Variants in SECISBP2 observed in about 807,000 individuals in gnomAD.
SECISBP2 encodes SECIS binding protein 2.
Under a neutral mutation model 98.2 loss-of-function variants are expected in SECISBP2, and 96 were observed. The ratio of observed to expected loss-of-function variants is 0.98; its 90% CI spans 0.83 to 1.16. SECISBP2 has a LOEUF of 1.16. Among genes scored for constraint, SECISBP2 ranks in the 50% most tolerant of loss-of-function variants. The pLI is 0.00. For missense variants in SECISBP2, 1,046 were observed against 1,022.9 expected, an observed-to-expected ratio of 1.02 and a Z score of -0.31; for synonymous variants, 407 against 370.2, an observed-to-expected ratio of 1.10 and a Z score of -1.14.
At chr9:89,341,216 T>C in intron 9 of SECISBP2, 131 bp from the exon 10 acceptor site, 1 of 858,766 alleles carries the variant, frequency 1.2e-6, no homozygotes, top group South Asian at 1.8e-5. Flanking sequence ...TTCCTTTCAT[T>C]ACTTGAATTT....
At chr9:89,323,301 T>C (rs961239485) in intron 2 of SECISBP2, 1 of 152,248 alleles carries the variant, frequency 6.6e-6, no homozygotes, top group African/African-American at 2.4e-5. Context: ...TTGTTTATAT[T>C]TATGTCAAGT....
chr9:89,364,458 C>G (rs544936318), downstream of SECISBP2: 8 of 209,808 alleles, frequency 3.8e-5, no homozygotes, highest in East Asian at 8.5e-4. Flanking sequence ...CCAATTGAGA[C>G]ACTGGGGTGG....
At chr9:89,358,486 C>T (rs1359647811) in intron 16 of SECISBP2, among the ~76,000 whole-genome samples, 1 of 152,118 alleles carries the variant, frequency 6.6e-6, no homozygotes, top group East Asian at 1.9e-4. Context: ...TCCTAGCCTA[C>T]CTACACAAGG....
rs748908857 is a variant in SECISBP2, at chr9:89,328,730, G to A, written c.645G>A (p.Glu215=). The change falls in exon 5 of 17, where the codon GAG becomes GAA. Residue 215 remains glutamate (E), a synonymous_variant. Transcript: ENST00000375807. ...IAKNVSTSKP[E]FEFTTLDFPE... ...AAAATGTATCTACCTCCAAACCTGAGTTTGAATTTACCACACTGGACTTTC... is the reference window on the plus strand; with the variant it reads ...AAAATGTATCTACCTCCAAACCTGAATTTGAATTTACCACACTGGACTTTC... 4 of 1,614,224 alleles carry A rather than the reference G, an allele frequency of 2.5e-6. No individual in the cohort carries two copies. The highest frequency in any genetic ancestry group is 8.5e-7 in the Non-Finnish European group (1 of 1,180,038).
intron 2 of SECISBP2, chr9:89,323,633 T>C (rs1444399185): frequency 6.6e-6 from 1 of 152,208 alleles, no homozygotes; most frequent in Non-Finnish European, 1.5e-5. Flanking sequence ...TTAGTATGGA[T>C]GGGGTAGCTT....
chr9:89,332,250 C>T (rs998716211), intron 5 of SECISBP2, among the ~76,000 whole-genome samples: 5 of 151,740 alleles, frequency 3.3e-5, no homozygotes, highest in African/African-American at 1.2e-4. Flanking sequence ...ACACACACAG[C>T]CTCCTTCATT....
chr9:89,355,206 C>G lies in SECISBP2; in HGVS notation c.2114-2205C>G, dbSNP rs1245786523. 3.0e-6 allele frequency: 3 copies of G among 985,300 alleles called. No individual in the cohort carries two copies. The East Asian group carries it at 3.4e-4, about 112-fold the overall frequency. 61.0% of individuals were successfully genotyped at this position (985,300 alleles called of 1,614,324 possible). A position where few individuals can be genotyped will look rare whatever the true frequency, so the allele number is the denominator to read the frequency against. On this transcript the variant is annotated intron_variant, in intron 14 of 16. Coordinates refer to ENST00000375807, the MANE Select transcript of SECISBP2 (RefSeq NM_024077.5). Reference sequence around the variant, plus strand: ...GAGAGGATCGATATGTAAGTAGATTCCAGGTGATACTATGCTAATTGTAAA... The same window carrying G: ...GAGAGGATCGATATGTAAGTAGATTGCAGGTGATACTATGCTAATTGTAAA...
chr9:89,363,639 G>C, downstream of SECISBP2: 3 of 1,591,254 alleles, frequency 1.9e-6, no homozygotes, highest in Non-Finnish European at 1.7e-6. Context: ...AACCCAGAAT[G>C]CCACCGTGCA....
At position 89,357,453 on chromosome 9, in the gene SECISBP2, G is replaced by A. The variant is rs749137259; in HGVS notation, c.2156G>A (p.Cys719Tyr). Residue 719 changes from cysteine (C) to tyrosine (Y), a missense_variant, in exon 15 of 17, where the codon TGT becomes TAT. Physicochemically the swap from Cys to Tyr is radical, Grantham distance 194. Coordinates refer to ENST00000375807, the MANE Select transcript of SECISBP2 (RefSeq NM_024077.5). ...DTLHTIIDYA[C>Y]EQNIPFVFAL... is the part of the protein sequence containing the mutation. ...TTGCACACAATTATTGATTATGCCT[G>A]TGAGCAGAACATTCCCTTTGTGTTT... 4 of 1,614,060 alleles carry A rather than the reference G, an allele frequency of 2.5e-6. No homozygotes were observed. In the African/African-American group the frequency reaches 4.0e-5, roughly 16 times the overall value.
At chr9:89,334,863 G>A in intron 7 of SECISBP2, 133 bp downstream of exon 7, 1 of 719,136 alleles carries the variant, frequency 1.4e-6, no homozygotes, top group East Asian at 2.7e-5. Flanking sequence ...AAGATGGATG[G>A]TGATGATGGT....
At chr9:89,334,427 C>A in intron 6 of SECISBP2, 95 bp from the exon 7 acceptor site, 1 of 1,011,296 alleles carries the variant, frequency 9.9e-7, no homozygotes, top group Non-Finnish European at 1.5e-6. Context: ...TAATGATGCT[C>A]TGAGCAGTTA....
At chr9:89,344,397 A>G (rs1478956794) in intron 10 of SECISBP2, among the ~76,000 whole-genome samples, 1 of 152,166 alleles carries the variant, frequency 6.6e-6, no homozygotes, top group African/African-American at 2.4e-5. Context: ...CCTGTGTCCA[A>G]AATGGTATTG....
In SECISBP2 at chr9:89,349,770, A is replaced by G. The variant is rs571273217; in HGVS notation, c.1739-6A>G. Reference sequence around the variant, plus strand: ...ATATCTGATGATGCCTTTTTCCTCCATGAAGGGCCAGAGGGGATGGACGAA... The same window carrying G: ...ATATCTGATGATGCCTTTTTCCTCCGTGAAGGGCCAGAGGGGATGGACGAA... On this transcript the variant is annotated splice_region_variant and splice_polypyrimidine_tract_variant and intron_variant, in intron 12 of 16. Coordinates refer to ENST00000375807, the MANE Select transcript of SECISBP2 (RefSeq NM_024077.5). The G allele has an allele frequency of 2.2e-5, 35 of 1,613,876 alleles. No homozygotes were observed. Among genetic ancestry groups the G allele is most frequent in the Admixed American group, 1.8e-4 (11 of 60,012 alleles).
chr9:89,356,967 C>T (rs1832183261), intron 14 of SECISBP2: 1 of 285,802 alleles, frequency 3.5e-6, no homozygotes, highest in Admixed American at 5.0e-5. Context: ...TGGCTGGTCC[C>T]TGGCCCAGAA....
At chr9:89,328,919 C>A in intron 5 of SECISBP2, 33 bp downstream of exon 5, 1 of 1,492,316 alleles carries the variant, frequency 6.7e-7, no homozygotes, top group South Asian at 1.2e-5. Flanking sequence ...TTTCTTTTTC[C>A]TTTGTACACT....
chr9:89,360,449 A>C (rs1832676048), downstream of SECISBP2, among the ~76,000 whole-genome samples: 1 of 152,082 alleles, frequency 6.6e-6, no homozygotes, highest in African/African-American at 2.4e-5. Flanking sequence ...TAAATCAAAA[A>C]ATTAAAGATC....
intron 14 of SECISBP2, among the ~76,000 whole-genome samples, chr9:89,354,029 T>C (rs1831689330): frequency 6.6e-6 from 1 of 152,258 alleles, no homozygotes; most frequent in African/African-American, 2.4e-5. Flanking sequence ...CTGTATTTGC[T>C]CTGAGTGGCA....
intron 5 of SECISBP2, chr9:89,329,821 G>C (rs1292563619): frequency 6.6e-6 from 1 of 152,064 alleles, no homozygotes; most frequent in Non-Finnish European, 1.5e-5. Flanking sequence ...AGAAGGAAAA[G>C]GTTGTAACAG....
intron 7 of SECISBP2, among the ~76,000 whole-genome samples, chr9:89,336,993 C>T (rs1828853389): frequency 1.3e-5 from 2 of 151,988 alleles, no homozygotes; most frequent in South Asian, 4.2e-4. Context: ...AGGGTGGTCT[C>T]GAACTCCTGA....
Sources: gnomAD v4.1 joint callset for allele counts (sites outside exome capture counted in the v4.1 genomes callset) on GRCh38, gnomAD v4.1.1 for gene constraint, MANE v1.5 for transcripts, NCBI Gene and HGNC (gene_info 2026-07-23, HGNC 2026-07-21) for gene names.